Variants in LRFN5 observed in about 807,000 individuals in gnomAD.
The protein encoded by LRFN5 is leucine rich repeat and fibronectin type III domain containing 5.
Under a neutral mutation model 45.6 loss-of-function variants are expected in LRFN5, and 24 were observed. That is an observed-to-expected ratio of 0.53 (90% CI 0.38 to 0.74). LRFN5 has a LOEUF of 0.74. Among genes scored for constraint, LRFN5 ranks in the 30% least tolerant of loss-of-function variants. The probability of loss-of-function intolerance (pLI) is 0.00; values close to 1 mark genes in which losing one functional copy is unlikely to be tolerated. For missense variants in LRFN5, 776 were observed against 861.5 expected (o/e 0.90, Z 1.24); for synonymous variants, 340 against 313.8 (o/e 1.08, Z -0.88).
At chr14:41,794,842 C>T (rs1887061122) in intron 2 of LRFN5, among the ~76,000 whole-genome samples, 1 of 151,892 alleles carries the variant, frequency 6.6e-6, no homozygotes, top group African/African-American at 2.4e-5. Context: ...GTGGGGTTTT[C>T]TTGTTCCATA....
At chr14:41,635,056 G>A (rs998290520) in intron 1 of LRFN5, among the ~76,000 whole-genome samples, 1 of 151,972 alleles carries the variant, frequency 6.6e-6, no homozygotes, top group African/African-American at 2.4e-5. Flanking sequence ...TAGAACTTAT[G>A]AGTATAATCA....
rs1400230763 is a variant in LRFN5 at position 41,787,512 on chromosome 14, T to C, written c.-21+20483T>C. On this transcript the variant is annotated intron_variant, in intron 2 of 5. Coordinates refer to ENST00000298119, the MANE Select transcript of LRFN5 (RefSeq NM_152447.5). ...TGAAATATATAGCACTTTTTTTGTC[T>C]TTTTTTTTTCTAGTGGCTTAAAAAA... Among the ~76,000 whole-genome samples the C allele has an allele frequency of 1.2e-4, 5 of 40,238 alleles. No homozygotes were observed. In the South Asian group the frequency reaches 9.5e-3, roughly 77 times the overall value. The allele number at this position is 40,238 out of a possible 152,430, so 26.4% of individuals were successfully genotyped here. A position where few individuals can be genotyped will look rare whatever the true frequency, so the allele number is the denominator to read the frequency against.
intron 2 of LRFN5, among the ~76,000 whole-genome samples, chr14:41,856,938 A>G (rs564910622): frequency 4.0e-5 from 6 of 151,224 alleles, no homozygotes; most frequent in Non-Finnish European, 8.8e-5. Flanking sequence ...TGCTGGGATT[A>G]CAGGCGTGAG....
intron 1 of LRFN5, among the ~76,000 whole-genome samples, chr14:41,694,763 T>A (rs543065897): frequency 6.6e-6 from 1 of 152,064 alleles, no homozygotes; most frequent in Admixed American, 6.6e-5. Context: ...TTGTATCTGT[T>A]ATGGGGATCT....
intron 4 of LRFN5, chr14:41,894,801 A>G (rs1474748510): frequency 1.0e-6 from 1 of 981,514 alleles, no homozygotes; most frequent in African/African-American, 1.8e-5. Flanking sequence ...TACAATACAG[A>G]TTTGTTATCT....
chr14:41,632,820 T>C (rs985291762), intron 1 of LRFN5, among the ~76,000 whole-genome samples: 6 of 152,210 alleles, frequency 3.9e-5, no homozygotes, highest in African/African-American at 1.2e-4. Context: ...TCTGCATCTG[T>C]TTCAAGAAAA....
At chr14:41,831,483 T>A (rs1467553177) in intron 2 of LRFN5, among the ~76,000 whole-genome samples, 1 of 152,156 alleles carries the variant, frequency 6.6e-6, no homozygotes, top group Non-Finnish European at 1.5e-5. Context: ...ATGTAAAATA[T>A]ACACACAGCG....
At chr14:41,674,328 G>A (rs1447968327) in intron 1 of LRFN5, among the ~76,000 whole-genome samples, 1 of 139,638 alleles carries the variant, frequency 7.2e-6, no homozygotes, top group Non-Finnish European at 1.6e-5. Context: ...CGGGCGGGGG[G>A]CCGACCCCCC....
At chr14:41,775,904 G>C (rs963622404) in intron 2 of LRFN5, among the ~76,000 whole-genome samples, 3 of 151,960 alleles carry the variant, frequency 2.0e-5, no homozygotes, top group African/African-American at 7.2e-5. Context: ...CAAAATTTTC[G>C]GTCAGATTTA....
intron 1 of LRFN5, among the ~76,000 whole-genome samples, chr14:41,668,587 G>T (rs1326678655): frequency 7.9e-5 from 12 of 152,110 alleles, no homozygotes; most frequent in Non-Finnish European, 1.6e-4. Flanking sequence ...TACACATGCT[G>T]TTATGGGTTT....
chr14:41,852,390 C>T (rs1198042563), intron 2 of LRFN5, among the ~76,000 whole-genome samples: 1 of 151,882 alleles, frequency 6.6e-6, no homozygotes, highest in Non-Finnish European at 1.5e-5. Flanking sequence ...GAATTTTCAG[C>T]ATGTCACTCA....
At chr14:41,695,019 A>T (rs1389827276) in intron 1 of LRFN5, among the ~76,000 whole-genome samples, 1 of 152,010 alleles carries the variant, frequency 6.6e-6, no homozygotes, top group Non-Finnish European at 1.5e-5. Context: ...GTAAATACAA[A>T]AGTTATTGAA....
At chr14:41,673,415 GC>G (rs1881347789) in intron 1 of LRFN5, among the ~76,000 whole-genome samples, 1 of 136,820 alleles carries the variant, frequency 7.3e-6, no homozygotes, top group African/African-American at 3.0e-5. Flanking sequence ...CCACCTCACT[GC>G]CGGACCGGGC....
chr14:41,648,369 G>A (rs1432823346), intron 1 of LRFN5, among the ~76,000 whole-genome samples: 1 of 151,918 alleles, frequency 6.6e-6, no homozygotes, highest in Non-Finnish European at 1.5e-5. Flanking sequence ...ATTAATTATT[G>A]TGCCTGGTGA....
chr14:41,771,291 T>A (rs1196678013), intron 2 of LRFN5, among the ~76,000 whole-genome samples: 1 of 151,524 alleles, frequency 6.6e-6, no homozygotes, highest in Non-Finnish European at 1.5e-5. Flanking sequence ...TTCAAGGCAT[T>A]TTTCCCATTG....
In LRFN5 at chr14:41,847,363, T is replaced by C. The variant is rs114837214; in HGVS notation, c.-20-39243T>C. ...ATATTCTCCGGTAAAGAAATTTACT[T>C]AATTTACTTGCCTGCATTAACCCAG... On this transcript the variant is annotated intron_variant, in intron 2 of 5. Transcript: ENST00000298119. 6.5e-3 allele frequency among the ~76,000 whole-genome samples: 987 copies of C among 152,272 alleles called. 6 individuals carry two copies. The highest frequency in any genetic ancestry group is 0.023 in the African/African-American group (954 of 41,566).
intron 4 of LRFN5, chr14:41,894,508 AT>A: frequency 2.1e-6 from 2 of 967,064 alleles, no homozygotes; most frequent in Non-Finnish European, 2.5e-6. Flanking sequence ...CTGGCCTGAG[AT>A]TTTGCCCTTC....
chr14:41,899,039 G>C lies in LRFN5; in HGVS notation c.2142+79G>C. The C allele has an allele frequency of 3.5e-6, 4 of 1,149,812 alleles. No individual in the cohort carries two copies. In the South Asian group the frequency reaches 6.0e-5, roughly 17 times the overall value. The allele number at this position is 1,149,812 out of a possible 1,614,324, so 71.2% of individuals were successfully genotyped here. On this transcript the variant is annotated intron_variant, in intron 5 of 5. Transcript: ENST00000298119. ...TTTATAAATTAACTTTAAGTAATTA[G>C]TTTGCTAATTTATGTAGCTTGTTGA... is the stretch of plus-strand genomic sequence containing the variant.
At chr14:41,633,816 A>G (rs1888632610) in intron 1 of LRFN5, among the ~76,000 whole-genome samples, 1 of 152,164 alleles carries the variant, frequency 6.6e-6, no homozygotes, top group Non-Finnish European at 1.5e-5. Flanking sequence ...ACCTAAAATA[A>G]TGGAATAGAC....
Sources: gnomAD v4.1 joint callset for allele counts (sites outside exome capture counted in the v4.1 genomes callset) on GRCh38, gnomAD v4.1.1 for gene constraint, MANE v1.5 for transcripts, NCBI Gene and HGNC (gene_info 2026-07-23, HGNC 2026-07-21) for gene names.